The following ZNF562 variants were observed in gnomAD, a reference collection of about 807,000 sequenced individuals.
The protein encoded by ZNF562 is zinc finger protein 562.
ZNF562 carries 13 observed loss-of-function variants against 17.5 expected under a neutral mutation model. That is an observed-to-expected ratio of 0.74 (90% CI 0.48 to 1.18). The LOEUF is 1.18. ZNF562 is among the 50% of genes most tolerant of loss of function. The pLI is 0.00. For synonymous variants in ZNF562, 163 were observed against 165.4 expected (o/e 0.99, Z 0.11); for missense variants, 481 against 498.5 (o/e 0.96, Z 0.33).
At chr19:9,669,734 G>GCGCGCACACACACA (rs1221319747) in intron 1 of ZNF562, among the ~76,000 whole-genome samples, 11 of 109,340 alleles carry the variant, frequency 1.0e-4, no homozygotes, top group East Asian at 5.9e-4. Flanking sequence ...GCGCGCGCGC[G>GCGCGCACACACACA]CACACACACA....
chr19:9,662,435 G>T (rs145328696), intron 1 of ZNF562, among the ~76,000 whole-genome samples: 1 of 151,836 alleles, frequency 6.6e-6, no homozygotes, highest in Non-Finnish European at 1.5e-5. Flanking sequence ...TTAGCTGGGC[G>T]TGGTGGCACA....
chr19:9,664,344 T>C (rs758518636), intron 1 of ZNF562, among the ~76,000 whole-genome samples: 2 of 152,202 alleles, frequency 1.3e-5, no homozygotes, highest in South Asian at 2.1e-4. Context: ...GCTGGAATTA[T>C]AGTTCACTTG....
Position 9,645,505 on chromosome 19 carries a change from A to T in ZNF562, c.*7444T>A, listed in dbSNP as rs2074800485. 6.6e-6 allele frequency: 1 copy of T among 152,242 alleles called. No individual in the cohort carries two copies. The highest frequency in any genetic ancestry group is 6.5e-5 in the Admixed American group (1 of 15,280). The allele number at this position is 152,242 out of a possible 1,614,324, so 9.4% of individuals were successfully genotyped here. A position where few individuals can be genotyped will look rare whatever the true frequency, so the allele number is the denominator to read the frequency against. ...ACAAAAATTACTAGCTGAAAACAGCAGCTACTTAATTAGCAGAAGCCTCTT... is the reference window on the plus strand; with the variant it reads ...ACAAAAATTACTAGCTGAAAACAGCTGCTACTTAATTAGCAGAAGCCTCTT... On this transcript the variant is annotated 3_prime_UTR_variant, in exon 6 of 6. Transcript: ENST00000453372.
At position 9,642,469 on chromosome 19, in the gene ZNF562, ATCTC is replaced by A. The variant is rs768103613; in HGVS notation, c.*10476_*10479del. ...TAAAAATATATTTTGTAGAGAAGAG[ATCTC>A]TCTATGTTGCCTAGGCTGCCCTCAA... On this transcript the variant is annotated 3_prime_UTR_variant, in exon 6 of 6. Transcript: ENST00000453372. 1 of 151,796 alleles carries A rather than the reference ATCTC, an allele frequency of 6.6e-6. No homozygotes were observed. The highest frequency in any genetic ancestry group is 2.1e-4 in the South Asian group (1 of 4,820). 9.4% of individuals were successfully genotyped at this position (151,796 alleles called of 1,614,324 possible).
intron 1 of ZNF562, among the ~76,000 whole-genome samples, chr19:9,669,410 A>G (rs2044063449): frequency 6.6e-6 from 1 of 152,238 alleles, no homozygotes; most frequent in African/African-American, 2.4e-5. Context: ...ATGAGATATC[A>G]TCTCACCTCA....
chr19:9,674,049 G>A (rs1316875196), intron 1 of ZNF562, among the ~76,000 whole-genome samples: 1 of 152,240 alleles, frequency 6.6e-6, no homozygotes, highest in African/African-American at 2.4e-5. Context: ...CACACACCAG[G>A]ACAAGGGAGG....
rs776315117 is a variant in ZNF562 at position 9,660,701 on chromosome 19, A to G, written c.25+19T>C. On this transcript the variant is annotated intron_variant, in intron 2 of 5. Transcript: ENST00000453372. The stretch of plus-strand genomic sequence containing the variant: ...ACCTAAAGCAGAATCTCTGAAAAAG[A>G]GCATCAACAAGGACTTACCATGGGA... 7 of 1,612,088 alleles carry G rather than the reference A, an allele frequency of 4.3e-6. No homozygotes were observed. The highest frequency in any genetic ancestry group is 5.1e-6 in the Non-Finnish European group (6 of 1,178,846).
Position 9,644,811 on chromosome 19 carries a change from C to T in ZNF562, c.*8138G>A, listed in dbSNP as rs116326422. On this transcript the variant is annotated 3_prime_UTR_variant, in exon 6 of 6. Coordinates refer to ENST00000453372, the MANE Select transcript of ZNF562 (RefSeq NM_001130031.2). ...ATTACCTCCCACCTGGTCTCTCCCTCGACACCATGGGGATTATGGGAGCTA... is the reference window on the plus strand; with the variant it reads ...ATTACCTCCCACCTGGTCTCTCCCTTGACACCATGGGGATTATGGGAGCTA... 0.024 allele frequency: 3,615 copies of T among 152,264 alleles called. 138 individuals carry two copies. The highest frequency in any genetic ancestry group is 0.08 in the African/African-American group (3,303 of 41,542). The allele number at this position is 152,264 out of a possible 1,614,324, so 9.4% of individuals were successfully genotyped here.
Position 9,652,113 on chromosome 19 carries a change from A to G in ZNF562, c.*836T>C, listed in dbSNP as rs1464740909. The G allele has an allele frequency of 6.6e-6, 1 of 152,262 alleles. No homozygotes were observed. The highest frequency in any genetic ancestry group is 1.5e-5 in the Non-Finnish European group (1 of 68,050). 9.4% of individuals were successfully genotyped at this position (152,262 alleles called of 1,614,324 possible). On this transcript the variant is annotated 3_prime_UTR_variant, in exon 6 of 6. Coordinates refer to ENST00000453372, the MANE Select transcript of ZNF562 (RefSeq NM_001130031.2). ...GATAAAGAGATCATGAGTGGGATTC[A>G]TGGACTATATCAGCCATCTTAACAG...
At chr19:9,663,164 G>T (rs2043819366) in intron 1 of ZNF562, among the ~76,000 whole-genome samples, 2 of 151,204 alleles carry the variant, frequency 1.3e-5, no homozygotes, top group Admixed American at 6.6e-5. Context: ...CCAGCACTTT[G>T]GGAGGCCGAG....
At chr19:9,669,085 C>A (rs1167182438) in intron 1 of ZNF562, among the ~76,000 whole-genome samples, 1 of 152,104 alleles carries the variant, frequency 6.6e-6, no homozygotes, top group African/African-American at 2.4e-5. Context: ...CTCAAAAGCA[C>A]AGGCAACAAG....
At chr19:9,654,881 AC>A (rs1464801590) in intron 5 of ZNF562, among the ~76,000 whole-genome samples, 1 of 152,098 alleles carries the variant, frequency 6.6e-6, no homozygotes, top group Non-Finnish European at 1.5e-5. Context: ...TACTTTGATA[AC>A]CATAATTTTT....
chr19:9,673,481 A>G (rs1179272036), intron 1 of ZNF562, among the ~76,000 whole-genome samples: 1 of 152,056 alleles, frequency 6.6e-6, no homozygotes, highest in African/African-American at 2.4e-5. Context: ...TATTTTTAGT[A>G]GAGACAGGGT....
intron 1 of ZNF562, among the ~76,000 whole-genome samples, chr19:9,661,341 C>T (rs1733468215): frequency 6.6e-6 from 1 of 152,000 alleles, no homozygotes; most frequent in Non-Finnish European, 1.5e-5. Flanking sequence ...TATTTTGAGA[C>T]AGAGTCTCAC....
At position 9,658,124 on chromosome 19, in the gene ZNF562, C is replaced by T. The variant is rs770401194; in HGVS notation, c.126G>A (p.Thr42=). The change falls in exon 4 of 6, where the codon ACG becomes ACA. Residue 42 remains threonine (T), a synonymous_variant. Coordinates refer to ENST00000453372, the MANE Select transcript of ZNF562 (RefSeq NM_001130031.2). ...TGAACTCCACAGCCACATCATCAAA[C>T]GTCACTGAATCCTAAGTCATCAAAC... ...HRSNSYQDSV[T]FDDVAVEFTP... 195 of 1,613,106 alleles carry T rather than the reference C, an allele frequency of 1.2e-4. No individual in the cohort carries two copies. Among genetic ancestry groups the T allele is most frequent in the Admixed American group, 8.9e-4 (53 of 59,860 alleles).
chr19:9,669,342 A>G (rs931698716), intron 1 of ZNF562, among the ~76,000 whole-genome samples: 2 of 152,224 alleles, frequency 1.3e-5, no homozygotes, highest in Non-Finnish European at 2.9e-5. Flanking sequence ...CAACAGGCAT[A>G]CAAAAAAATG....
chr19:9,671,799 T>C (rs530789701), intron 1 of ZNF562, among the ~76,000 whole-genome samples: 14 of 152,334 alleles, frequency 9.2e-5, no homozygotes, highest in African/African-American at 3.4e-4. Context: ...ATCCATGCCC[T>C]CTTGTGCAGA....
At chr19:9,653,914 C>G (rs1313672919) in intron 5 of ZNF562, 33 bp from the exon 6 acceptor site, 1 of 1,496,086 alleles carries the variant, frequency 6.7e-7, no homozygotes, top group East Asian at 2.3e-5. Flanking sequence ...AAAATGTTTT[C>G]AGACATATTA....
At chr19:9,657,118 G>T (rs1158230685) in intron 4 of ZNF562, among the ~76,000 whole-genome samples, 1 of 151,180 alleles carries the variant, frequency 6.6e-6, no homozygotes, top group Non-Finnish European at 1.5e-5. Context: ...AGGATGTGGG[G>T]TTTATTACAC....
Sources: allele counts gnomAD v4.1 joint callset (sites outside exome capture counted in the v4.1 genomes callset), GRCh38; gene constraint gnomAD v4.1.1; transcripts MANE v1.5; gene names NCBI Gene and HGNC (gene_info 2026-07-23, HGNC 2026-07-21).